The following STIM2 variants were observed in gnomAD, a reference collection of about 807,000 sequenced individuals.
STIM2 encodes the protein stromal interaction molecule 2.
A neutral mutation model predicts 85.8 loss-of-function variants in STIM2; 31 were observed. The ratio of observed to expected loss-of-function variants is 0.36; its 90% CI spans 0.27 to 0.49. The LOEUF (loss-of-function observed/expected upper bound fraction) is 0.49. Ranked by LOEUF, STIM2 falls within the 20% of genes least tolerant of loss-of-function variation. STIM2 has a pLI of 0.98. For synonymous variants in STIM2, 356 were observed against 331.1 expected (o/e 1.08, Z -0.82); for missense variants, 841 against 927.6 (o/e 0.91, Z 1.21).
At chr4:26,939,789 T>C (rs1011640859) in intron 2 of STIM2, among the ~76,000 whole-genome samples, 3 of 152,142 alleles carry the variant, frequency 2.0e-5, no homozygotes, top group African/African-American at 4.8e-5. Context: ...ACAAAACACA[T>C]GTAAGATTTT....
chr4:26,971,038 C>G (rs188077808), intron 3 of STIM2, among the ~76,000 whole-genome samples: 435 of 152,270 alleles, frequency 2.9e-3, no homozygotes, highest in African/African-American at 0.01. Flanking sequence ...GCATAGATAT[C>G]TTCTTTTGAG....
At chr4:26,955,452 A>G (rs1392204406) in intron 2 of STIM2, among the ~76,000 whole-genome samples, 5 of 147,996 alleles carry the variant, frequency 3.4e-5, no homozygotes, top group Non-Finnish European at 4.5e-5. Flanking sequence ...TATGTCCATT[A>G]TTATGATTTT....
chr4:26,988,395 C>T (rs1683870386), intron 3 of STIM2, among the ~76,000 whole-genome samples: 1 of 151,992 alleles, frequency 6.6e-6, no homozygotes, highest in African/African-American at 2.4e-5. Context: ...GCGAGCCTGG[C>T]AAAGAAGGAA....
At chr4:26,995,835 TTGAA>T (rs1727944385) in intron 4 of STIM2, among the ~76,000 whole-genome samples, 1 of 152,104 alleles carries the variant, frequency 6.6e-6, no homozygotes, top group Non-Finnish European at 1.5e-5. Flanking sequence ...ACACATCTAC[TTGAA>T]TGAATTAATG....
chr4:27,013,881 A>G lies in STIM2; in HGVS notation c.1490-3830A>G, dbSNP rs1728645133. Among the ~76,000 whole-genome samples, 3 of 151,998 alleles carry G rather than the reference A, an allele frequency of 2.0e-5. No individual in the cohort carries two copies. In the South Asian group the frequency reaches 6.2e-4, roughly 31 times the overall value. ...ATTGCCTATGGATTGACCTTGATGT[A>G]TATATGTTTTGGCAAGGAACAGAGT... On this transcript the variant is annotated intron_variant, in intron 10 of 11. Coordinates refer to ENST00000467087, the MANE Select transcript of STIM2 (RefSeq NM_020860.4).
chr4:26,869,889 G>C (rs1342225579), intron 1 of STIM2, among the ~76,000 whole-genome samples: 1 of 151,308 alleles, frequency 6.6e-6, no homozygotes, highest in Non-Finnish European at 1.5e-5. Flanking sequence ...CAATAGCCAA[G>C]ATATGGAAAC....
intron 3 of STIM2, among the ~76,000 whole-genome samples, chr4:26,967,213 T>C (rs182996990): frequency 1.1e-3 from 174 of 152,292 alleles, no homozygotes; most frequent in African/African-American, 3.8e-3. Context: ...CAGGTGTTTA[T>C]CACTGGGAGA....
chr4:26,883,891 A>G (rs1173276852), intron 1 of STIM2, among the ~76,000 whole-genome samples: 1 of 152,192 alleles, frequency 6.6e-6, no homozygotes, highest in Non-Finnish European at 1.5e-5. Context: ...TTATTTTCAT[A>G]TTATATAGCC....
intron 2 of STIM2, among the ~76,000 whole-genome samples, chr4:26,947,808 G>GA (rs890513599): frequency 9.9e-5 from 15 of 150,770 alleles, no homozygotes; most frequent in East Asian, 3.9e-4. Flanking sequence ...TTGCACACAT[G>GA]AAAAAAAAAT....
chr4:26,869,001 G>A (rs918982852), intron 1 of STIM2, among the ~76,000 whole-genome samples: 21 of 152,038 alleles, frequency 1.4e-4, no homozygotes, highest in African/African-American at 4.1e-4. Flanking sequence ...TGTTTATTCC[G>A]TGTTTGTTTG....
At chr4:26,986,794 C>T (rs2109118148) in intron 3 of STIM2, among the ~76,000 whole-genome samples, 1 of 152,284 alleles carries the variant, frequency 6.6e-6, no homozygotes, top group South Asian at 2.1e-4. Context: ...TATGGGATAG[C>T]AAATTGATAA....
chr4:26,877,833 G>T (rs1209538008), intron 1 of STIM2, among the ~76,000 whole-genome samples: 4 of 152,166 alleles, frequency 2.6e-5, no homozygotes, highest in African/African-American at 9.7e-5. Flanking sequence ...AGAGTACTGA[G>T]AAATGGGACC....
Position 27,022,867 on chromosome 4 carries a change from C to T in STIM2, c.2112C>T (p.Asp704=), listed in dbSNP as rs1728960014. The change falls in exon 12 of 12, where the codon GAC becomes GAT. Residue 704 remains aspartate, a synonymous_variant. Transcript: ENST00000467087. ...CATCATGTTCCTCAGCTGGCAACGACAGTAAACCAGTTCAGGAAGCCCCAA... is the reference window on the plus strand; with the variant it reads ...CATCATGTTCCTCAGCTGGCAACGATAGTAAACCAGTTCAGGAAGCCCCAA... 6.2e-7 allele frequency: 1 copy of T among 1,614,224 alleles called. No individual in the cohort carries two copies. The highest frequency in any genetic ancestry group is 2.2e-5 in the East Asian group (1 of 44,878).
At chr4:26,870,579 G>C (rs1391059693) in intron 1 of STIM2, among the ~76,000 whole-genome samples, 1 of 152,028 alleles carries the variant, frequency 6.6e-6, no homozygotes, top group Admixed American at 6.5e-5. Context: ...ATTTTTAACT[G>C]ATATATGATA....
chr4:26,998,980 T>C (rs1483718523), intron 4 of STIM2, among the ~76,000 whole-genome samples: 1 of 151,982 alleles, frequency 6.6e-6, no homozygotes, highest in Non-Finnish European at 1.5e-5. Flanking sequence ...GAAAGTAACC[T>C]TAGAAAACCA....
At chr4:26,989,352 G>A (rs944943363) in intron 3 of STIM2, among the ~76,000 whole-genome samples, 2 of 152,102 alleles carry the variant, frequency 1.3e-5, no homozygotes, top group African/African-American at 4.8e-5. Flanking sequence ...ATAGAATCAA[G>A]GTCAAAAACT....
At chr4:26,962,874 C>T (rs147013038) in intron 3 of STIM2, among the ~76,000 whole-genome samples, 1 of 152,214 alleles carries the variant, frequency 6.6e-6, no homozygotes. Flanking sequence ...AAAATGAAAA[C>T]TCACTGGGTT....
intron 2 of STIM2, among the ~76,000 whole-genome samples, chr4:26,929,592 A>G (rs1577444287): frequency 6.6e-6 from 1 of 152,136 alleles, no homozygotes; most frequent in Non-Finnish European, 1.5e-5. Flanking sequence ...AAAATTCAGA[A>G]AAGTATTTAG....
chr4:26,982,323 C>T (rs1727430695), intron 3 of STIM2, among the ~76,000 whole-genome samples: 1 of 152,086 alleles, frequency 6.6e-6, no homozygotes, highest in African/African-American at 2.4e-5. Flanking sequence ...TTTATTCAGT[C>T]AGTTTTGAGT....
Sources: allele counts gnomAD v4.1 joint callset (sites outside exome capture counted in the v4.1 genomes callset), GRCh38; gene constraint gnomAD v4.1.1; transcripts MANE v1.5; gene names NCBI Gene and HGNC (gene_info 2026-07-23, HGNC 2026-07-21).